CTNNA3: variants seen among roughly 807,000 people sequenced by gnomAD.
CTNNA3 encodes the protein catenin alpha-3.
A neutral mutation model predicts 95.7 loss-of-function variants in CTNNA3; 76 were observed. That is an observed-to-expected ratio of 0.79 (90% CI 0.66 to 0.96). The LOEUF is 0.96. Among genes scored for constraint, CTNNA3 ranks in the 40% least tolerant of loss-of-function variants. The pLI is 0.00. For synonymous variants in CTNNA3, 431 were observed against 374.4 expected (o/e 1.15, Z -1.74); for missense variants, 1,191 against 1,089.8 (o/e 1.09, Z -1.31).
intron 5 of CTNNA3, among the ~76,000 whole-genome samples, chr10:67,318,029 A>AAT (rs1841138848): frequency 6.6e-6 from 1 of 150,672 alleles, no homozygotes; most frequent in African/African-American, 2.4e-5. Flanking sequence ...TTTTTTTTAC[A>AAT]TAAGGAGGGA....
chr10:66,701,467 T>C (rs1163832107), intron 9 of CTNNA3, among the ~76,000 whole-genome samples: 1 of 152,186 alleles, frequency 6.6e-6, no homozygotes, highest in Non-Finnish European at 1.5e-5. Flanking sequence ...TTTAACACTG[T>C]TACAGTTTCA....
In CTNNA3 at chr10:66,042,668, G is replaced by A. The variant is rs556587944; in HGVS notation, c.2159+26640C>T. Among the ~76,000 whole-genome samples, 24 of 152,024 alleles carry A rather than the reference G, an allele frequency of 1.6e-4. No homozygotes were observed. In the East Asian group the frequency reaches 4.5e-3, roughly 28 times the overall value. ...TAATCCCAGCACTTTGGGAGGCCGA[G>A]GCGGGTGGATCACTTGACGTCAGGA... On this transcript the variant is annotated intron_variant, in intron 15 of 17. Coordinates refer to ENST00000433211, the MANE Select transcript of CTNNA3 (RefSeq NM_013266.4).
chr10:66,323,488 A>G (rs990323962), intron 12 of CTNNA3, among the ~76,000 whole-genome samples: 2 of 151,820 alleles, frequency 1.3e-5, no homozygotes, highest in African/African-American at 4.8e-5. Context: ...TACTAAAAAT[A>G]CAAAAAATAA....
At chr10:66,326,926 T>C (rs1013303018) in intron 12 of CTNNA3, among the ~76,000 whole-genome samples, 1 of 152,168 alleles carries the variant, frequency 6.6e-6, no homozygotes, top group Non-Finnish European at 1.5e-5. Context: ...CAGAGAGCTT[T>C]TCAGATTTTA....
chr10:66,447,918 A>T (rs2093434808), intron 11 of CTNNA3, among the ~76,000 whole-genome samples: 1 of 152,220 alleles, frequency 6.6e-6, no homozygotes, highest in African/African-American at 2.4e-5. Context: ...TATTTTCGCA[A>T]CCTACTCATC....
chr10:66,762,874 T>C (rs1373197790), intron 9 of CTNNA3, among the ~76,000 whole-genome samples: 1 of 152,102 alleles, frequency 6.6e-6, no homozygotes, highest in Non-Finnish European at 1.5e-5. Flanking sequence ...GGCTTTTTTC[T>C]CATTTAAGTC....
chr10:67,691,548 C>T (rs1840853615), intron 1 of CTNNA3, among the ~76,000 whole-genome samples: 2 of 151,536 alleles, frequency 1.3e-5, no homozygotes, highest in African/African-American at 2.4e-5. Flanking sequence ...CCTGCCGCCC[C>T]GTCCGGGATG....
At chr10:66,576,449 T>C (rs894424551) in intron 10 of CTNNA3, among the ~76,000 whole-genome samples, 55 of 152,076 alleles carry the variant, frequency 3.6e-4, no homozygotes, top group African/African-American at 1.3e-3. Context: ...GCATAGTACA[T>C]AACAGGTAGC....
chr10:66,380,629 A>C (rs727444), intron 11 of CTNNA3, among the ~76,000 whole-genome samples: 6,772 of 86,620 alleles, frequency 0.078, 212 homozygotes, highest in Non-Finnish European at 0.1. Flanking sequence ...ATCTATCTAT[A>C]TATATATATA....
chr10:66,499,306 G>C (rs1415279870), intron 11 of CTNNA3, among the ~76,000 whole-genome samples: 1 of 152,080 alleles, frequency 6.6e-6, no homozygotes, highest in Non-Finnish European at 1.5e-5. Context: ...CAAAGAGGAA[G>C]GGACTTCAGC....
intron 9 of CTNNA3, among the ~76,000 whole-genome samples, chr10:66,688,314 C>T (rs749824432): frequency 6.6e-6 from 1 of 152,084 alleles, no homozygotes; most frequent in African/African-American, 2.4e-5. Flanking sequence ...CTGCCTATGT[C>T]CTTTATTATT....
chr10:66,838,863 A>G (rs758674746), intron 7 of CTNNA3, among the ~76,000 whole-genome samples: 1 of 152,202 alleles, frequency 6.6e-6, no homozygotes, highest in Non-Finnish European at 1.5e-5. Flanking sequence ...ATTACCTCAG[A>G]CTAATCACTG....
chr10:66,838,696 A>G (rs1842957337), intron 7 of CTNNA3, among the ~76,000 whole-genome samples: 1 of 152,188 alleles, frequency 6.6e-6, no homozygotes, highest in African/African-American at 2.4e-5. Flanking sequence ...GCTGTGTTTT[A>G]CACTGCTGTA....
At chr10:66,042,159 A>G (rs2079706332) in intron 15 of CTNNA3, among the ~76,000 whole-genome samples, 1 of 152,194 alleles carries the variant, frequency 6.6e-6, no homozygotes. Context: ...CAATTCTTAG[A>G]GGTAGTAAAC....
chr10:66,673,199 T>C (rs1375569511), intron 9 of CTNNA3, among the ~76,000 whole-genome samples: 1 of 152,126 alleles, frequency 6.6e-6, no homozygotes, highest in Non-Finnish European at 1.5e-5. Context: ...AAAACAGAAT[T>C]TATCACCATT....
At chr10:67,391,107 A>G (rs1844455720) in intron 5 of CTNNA3, among the ~76,000 whole-genome samples, 1 of 151,396 alleles carries the variant, frequency 6.6e-6, no homozygotes, top group Admixed American at 6.6e-5. Flanking sequence ...GAAAAGAGGA[A>G]GTCAAATTGT....
At chr10:66,515,532 T>A (rs1057320723) in intron 11 of CTNNA3, among the ~76,000 whole-genome samples, 3 of 152,012 alleles carry the variant, frequency 2.0e-5, no homozygotes, top group South Asian at 2.1e-4. Context: ...AAACAACATA[T>A]CACTCTAAAA....
At chr10:66,103,094 A>G in intron 14 of CTNNA3, 63 bp downstream of exon 14, 1 of 1,367,120 alleles carries the variant, frequency 7.3e-7, no homozygotes, top group Non-Finnish European at 1.0e-6. Context: ...CTAGATTGAC[A>G]AAGGGAGGGC....
chr10:66,078,801 CAA>C (rs1407735474), intron 14 of CTNNA3: 2 of 151,810 alleles, frequency 1.3e-5, no homozygotes, highest in Non-Finnish European at 1.5e-5. Context: ...TAGAAATCCT[CAA>C]ACAGTTCAAT....
Sources: gnomAD v4.1 joint callset for allele counts (sites outside exome capture counted in the v4.1 genomes callset) on GRCh38, gnomAD v4.1.1 for gene constraint, MANE v1.5 for transcripts, NCBI Gene and HGNC (gene_info 2026-07-23, HGNC 2026-07-21) for gene names.